The following KCNJ6 variants were observed in gnomAD, a reference collection of about 807,000 sequenced individuals.
KCNJ6 encodes G protein-activated inward rectifier potassium channel 2.
KCNJ6 carries 9 observed loss-of-function variants against 34.2 expected under a neutral mutation model. The ratio of observed to expected loss-of-function variants is 0.26; its 90% CI spans 0.16 to 0.46. KCNJ6 has a LOEUF of 0.46. Ranked by LOEUF, KCNJ6 falls within the 20% of genes least tolerant of loss-of-function variation. The pLI is 1.00. For synonymous variants in KCNJ6, 196 were observed against 207.1 expected, an observed-to-expected ratio of 0.95 and a Z score of 0.46; for missense variants, 236 against 531.3, an observed-to-expected ratio of 0.44 and a Z score of 5.46.
chr21:37,747,716 T>C (rs939365443), intron 2 of KCNJ6, among the ~76,000 whole-genome samples: 4 of 151,932 alleles, frequency 2.6e-5, no homozygotes, highest in Non-Finnish European at 5.9e-5. Flanking sequence ...GAGGGGGCCA[T>C]GAGACAAGGA....
intron 3 of KCNJ6, among the ~76,000 whole-genome samples, chr21:37,626,731 A>G (rs1412681685): frequency 1.3e-5 from 2 of 152,216 alleles, no homozygotes; most frequent in African/African-American, 4.8e-5. Flanking sequence ...TGACTTCTCC[A>G]TTAGGCAAAA....
At chr21:37,777,404 T>C (rs1304927892) in intron 2 of KCNJ6, among the ~76,000 whole-genome samples, 1 of 152,164 alleles carries the variant, frequency 6.6e-6, no homozygotes. Flanking sequence ...ACTCTCTGAT[T>C]GGCCTTACTC....
rs1569429246 is a variant in KCNJ6 at position 37,614,542 on chromosome 21, ATGCG to A, written c.*10613_*10616del. ...CATGTGTGTATGCATGTCTCTGTGT[ATGCG>A]TGTGTGTGTATGCGTGTGTGTATGC... On this transcript the variant is annotated 3_prime_UTR_variant, in exon 4 of 4. Coordinates refer to ENST00000609713, the MANE Select transcript of KCNJ6 (RefSeq NM_002240.5). 42 of 80,330 alleles carry A rather than the reference ATGCG, an allele frequency of 5.2e-4. No homozygotes were observed. Among genetic ancestry groups the A allele is most frequent in the African/African-American group, 1.9e-3 (42 of 22,138 alleles). The allele number at this position is 80,330 out of a possible 1,614,324, so 5.0% of individuals were successfully genotyped here.
intron 1 of KCNJ6, among the ~76,000 whole-genome samples, chr21:37,846,025 G>GAA (rs200901348): frequency 6.7e-6 from 1 of 150,122 alleles, no homozygotes; most frequent in African/African-American, 2.4e-5. Flanking sequence ...CACAGATGCT[G>GAA]AAAAAAAAAC....
intron 1 of KCNJ6, among the ~76,000 whole-genome samples, chr21:37,906,213 A>G (rs2055840680): frequency 6.6e-6 from 1 of 152,210 alleles, no homozygotes; most frequent in South Asian, 2.1e-4. Context: ...TAGTGTGATC[A>G]TGAGTATTTT....
intron 2 of KCNJ6, among the ~76,000 whole-genome samples, chr21:37,753,046 A>G (rs778215141): frequency 2.6e-5 from 4 of 152,226 alleles, no homozygotes; most frequent in Non-Finnish European, 2.9e-5. Flanking sequence ...GGCAGGGAAC[A>G]CAGGGAAGGC....
intron 2 of KCNJ6, among the ~76,000 whole-genome samples, chr21:37,836,758 AG>A (rs1333739316): frequency 2.6e-5 from 4 of 152,150 alleles, no homozygotes; most frequent in Admixed American, 2.0e-4. Context: ...GGGCCAGAGG[AG>A]GGATAACATT....
In KCNJ6 at chr21:37,625,125, G is replaced by A; in HGVS notation, c.*34C>T. On this transcript the variant is annotated 3_prime_UTR_variant, in exon 4 of 4. Coordinates refer to ENST00000609713, the MANE Select transcript of KCNJ6 (RefSeq NM_002240.5). ...TGAGAGACAAGGAAAGATTGTGTTG[G>A]GGGGAGAAGAGAAGGGTTTGCCCAG... The A allele has an allele frequency of 4.3e-6, 6 of 1,398,118 alleles. No homozygotes were observed. The highest frequency in any genetic ancestry group is 6.0e-6 in the Non-Finnish European group (6 of 992,378). 86.6% of individuals were successfully genotyped at this position (1,398,118 alleles called of 1,614,324 possible).
intron 2 of KCNJ6, among the ~76,000 whole-genome samples, chr21:37,759,762 T>A (rs1205370873): frequency 2.0e-5 from 3 of 152,238 alleles, no homozygotes; most frequent in Non-Finnish European, 4.4e-5. Flanking sequence ...TTCTTAATTC[T>A]TAGACACTCC....
intron 2 of KCNJ6, among the ~76,000 whole-genome samples, chr21:37,776,686 C>T (rs1207774485): frequency 6.6e-6 from 1 of 152,158 alleles, no homozygotes; most frequent in Non-Finnish European, 1.5e-5. Context: ...CCTAGCATCC[C>T]AGGGATGAAG....
At chr21:37,688,221 A>G (rs939069206) in intron 3 of KCNJ6, among the ~76,000 whole-genome samples, 1 of 152,200 alleles carries the variant, frequency 6.6e-6, no homozygotes, top group Non-Finnish European at 1.5e-5. Flanking sequence ...ATCTCATTCA[A>G]ATTCAACCTA....
intron 3 of KCNJ6, among the ~76,000 whole-genome samples, chr21:37,697,534 A>G (rs2054669059): frequency 6.6e-6 from 1 of 152,194 alleles, no homozygotes. Context: ...GTTTGTTGCA[A>G]TTATTCTGAT....
chr21:37,911,470 C>T (rs2055866896), intron 1 of KCNJ6, among the ~76,000 whole-genome samples: 2 of 152,080 alleles, frequency 1.3e-5, no homozygotes, highest in African/African-American at 4.8e-5. Context: ...AATGAAGAAA[C>T]AAGAAATGCC....
intron 2 of KCNJ6, among the ~76,000 whole-genome samples, chr21:37,837,654 T>A (rs1026892528): frequency 1.4e-4 from 22 of 152,248 alleles, no homozygotes; most frequent in African/African-American, 5.1e-4. Context: ...AAGCAAAGTG[T>A]TTATTGGCTT....
chr21:37,743,024 G>C (rs1045165680), intron 2 of KCNJ6, among the ~76,000 whole-genome samples: 6 of 152,126 alleles, frequency 3.9e-5, no homozygotes, highest in African/African-American at 1.4e-4. Flanking sequence ...AGTCAGCTCA[G>C]ACTTGCCCTT....
At chr21:37,862,487 A>T (rs2055599572) in intron 1 of KCNJ6, among the ~76,000 whole-genome samples, 1 of 152,264 alleles carries the variant, frequency 6.6e-6, no homozygotes, top group Non-Finnish European at 1.5e-5. Context: ...TAAGTAGCTC[A>T]AACTGCAGGG....
At chr21:37,653,517 T>C (rs1455624359) in intron 3 of KCNJ6, among the ~76,000 whole-genome samples, 16 of 152,140 alleles carry the variant, frequency 1.1e-4, no homozygotes, top group Admixed American at 1.0e-3. Context: ...AGGGGGGACG[T>C]AGGGTGAATG....
At chr21:37,811,437 T>A (rs1264194842) in intron 2 of KCNJ6, among the ~76,000 whole-genome samples, 1 of 152,094 alleles carries the variant, frequency 6.6e-6, no homozygotes, top group East Asian at 1.9e-4. Context: ...GTGGGGGCAG[T>A]CTTGAGGGGC....
chr21:37,903,041 T>C (rs2055824356), intron 1 of KCNJ6, among the ~76,000 whole-genome samples: 1 of 152,204 alleles, frequency 6.6e-6, no homozygotes, highest in Non-Finnish European at 1.5e-5. Context: ...CTCTCCATGC[T>C]GTCTGCGATT....
Sources: gnomAD v4.1 joint callset for allele counts (sites outside exome capture counted in the v4.1 genomes callset) on GRCh38, gnomAD v4.1.1 for gene constraint, MANE v1.5 for transcripts, NCBI Gene and HGNC (gene_info 2026-07-23, HGNC 2026-07-21) for gene names.